PLXNA4: variants seen among roughly 807,000 people sequenced by gnomAD.
PLXNA4 encodes plexin-A4.
Under a neutral mutation model 191.8 loss-of-function variants are expected in PLXNA4, and 44 were observed. That is an observed-to-expected ratio of 0.23 (90% CI 0.18 to 0.29). The LOEUF is 0.29. PLXNA4 is among the 10% of genes least tolerant of loss of function. PLXNA4 has a pLI of 1.00. For synonymous variants in PLXNA4, 1,082 were observed against 1,009.5 expected (o/e 1.07, Z -1.36); for missense variants, 1,800 against 2,488.8 (o/e 0.72, Z 5.89).
At chr7:132,527,741 A>G (rs1799460967) in intron 1 of PLXNA4, among the ~76,000 whole-genome samples, 1 of 151,966 alleles carries the variant, frequency 6.6e-6, no homozygotes, top group African/African-American at 2.4e-5. Flanking sequence ...ATTTGCCCAG[A>G]CCTATTCCCC....
intron 3 of PLXNA4, among the ~76,000 whole-genome samples, chr7:132,447,105 GC>G (rs1321171538): frequency 6.6e-6 from 1 of 151,742 alleles, no homozygotes; most frequent in Admixed American, 6.6e-5. Flanking sequence ...GATTTTTCTG[GC>G]CCCGCTCCAC....
At chr7:132,176,608 G>T (rs1297484655) in intron 20 of PLXNA4, among the ~76,000 whole-genome samples, 1 of 146,260 alleles carries the variant, frequency 6.8e-6, no homozygotes, top group East Asian at 2.0e-4. Flanking sequence ...CAGGGAGTGT[G>T]TATGACTGCA....
intron 9 of PLXNA4, 75 bp from the exon 10 acceptor site, chr7:132,211,218 G>T: frequency 6.9e-7 from 1 of 1,453,738 alleles, no homozygotes; most frequent in Non-Finnish European, 9.3e-7. Flanking sequence ...GACATAACCC[G>T]GATGTTCCCT....
Position 132,507,785 on chromosome 7 carries a change from A to C in PLXNA4, c.909T>G (p.Ser303Arg). 6.2e-7 allele frequency: 1 copy of C among 1,614,108 alleles called. No individual in the cohort carries two copies. Among genetic ancestry groups the C allele is most frequent in the Non-Finnish European group, 8.5e-7 (1 of 1,180,034 alleles). ...CCTGCAGCAGGCGGTACTCCACCCC[A>C]CTGCGCTCACAGCCAATGGGCACCT... The part of the protein sequence containing the change: ...YVEVPIGCER[S>R]GVEYRLLQAA... Residue 303 changes from serine (S) to arginine (R), a missense_variant, in exon 2 of 32, where the codon AGT (serine) becomes AGG (arginine). This residue lies in a region of PLXNA4 where 1,397 missense variants were observed against 1,880.4 expected (regional missense o/e 0.74). Transcript: ENST00000321063.
intron 3 of PLXNA4, among the ~76,000 whole-genome samples, chr7:132,474,529 T>TCAGTGAGTAGC (rs1206539720): frequency 6.6e-6 from 1 of 152,056 alleles, no homozygotes; most frequent in African/African-American, 2.4e-5. Context: ...TTACAGGGAC[T>TCAGTGAGTAGC]CAGTGAGTAG....
intron 1 of PLXNA4, among the ~76,000 whole-genome samples, chr7:132,544,342 C>T (rs1800204306): frequency 6.6e-6 from 1 of 152,200 alleles, no homozygotes; most frequent in African/African-American, 2.4e-5. Context: ...GTGGGACAAC[C>T]TCTTGGAGAG....
intron 3 of PLXNA4, among the ~76,000 whole-genome samples, chr7:132,346,751 A>T (rs1803259324): frequency 6.6e-6 from 1 of 152,246 alleles, no homozygotes. Flanking sequence ...CTTAGAGATG[A>T]GTTCTGGAGA....
chr7:132,165,860 G>A (rs192305835), intron 22 of PLXNA4, among the ~76,000 whole-genome samples: 1 of 152,090 alleles, frequency 6.6e-6, no homozygotes, highest in Admixed American at 6.6e-5. Flanking sequence ...AGCATTCGCC[G>A]CAGCATAAAG....
chr7:132,338,183 G>A (rs902668034), intron 3 of PLXNA4, among the ~76,000 whole-genome samples: 5 of 152,180 alleles, frequency 3.3e-5, no homozygotes, highest in Non-Finnish European at 5.9e-5. Context: ...ACCGCAGGAT[G>A]GAAGGCTATT....
chr7:132,565,220 G>A (rs1801667107), intron 1 of PLXNA4, among the ~76,000 whole-genome samples: 1 of 152,158 alleles, frequency 6.6e-6, no homozygotes, highest in Non-Finnish European at 1.5e-5. Context: ...AACAGCAAGG[G>A]CTTATTCCTG....
At chr7:132,273,343 C>A (rs552604279) in intron 4 of PLXNA4, among the ~76,000 whole-genome samples, 1 of 146,544 alleles carries the variant, frequency 6.8e-6, no homozygotes, top group South Asian at 2.1e-4. Context: ...CACACACACG[C>A]ACACACACAC....
intron 2 of PLXNA4, among the ~76,000 whole-genome samples, chr7:132,582,559 G>T (rs1332235059): frequency 6.6e-6 from 1 of 152,160 alleles, no homozygotes; most frequent in African/African-American, 2.4e-5. Flanking sequence ...CCTTGGACCT[G>T]CCATGTGTTG....
intron 3 of PLXNA4, among the ~76,000 whole-genome samples, chr7:132,354,618 G>A (rs2116822099): frequency 6.6e-6 from 1 of 152,330 alleles, no homozygotes; most frequent in Middle Eastern, 3.4e-3. Flanking sequence ...CCACATGTGT[G>A]TGTCCTAATG....
At chr7:132,188,796 A>G (rs1217803124) in intron 14 of PLXNA4, among the ~76,000 whole-genome samples, 1 of 151,880 alleles carries the variant, frequency 6.6e-6, no homozygotes, top group African/African-American at 2.4e-5. Context: ...GACTCTGGAC[A>G]AGACATTTCA....
At position 132,298,103 on chromosome 7, in the gene PLXNA4, C is replaced by T. The variant is rs1272653375; in HGVS notation, c.1491G>A (p.Met497Ile). Residue 497 changes from methionine to isoleucine, a missense_variant, in exon 4 of 32, where the codon ATG (methionine) becomes ATA (isoleucine). Transcript: ENST00000321063. ...FSKDHEQLYI[M>I]SERQLTRVPV... ...CGAAGAGCCTTACCTGCCTCTCTGA[C>T]ATGATGTAGAGTTGCTCGTGGTCCT... 1 of 1,614,212 alleles carries T rather than the reference C, an allele frequency of 6.2e-7. No homozygotes were observed. Among genetic ancestry groups the T allele is most frequent in the Admixed American group, 1.7e-5 (1 of 60,032 alleles).
chr7:132,131,544 G>T (rs941271375), intron 31 of PLXNA4, among the ~76,000 whole-genome samples: 3 of 152,154 alleles, frequency 2.0e-5, no homozygotes, highest in Admixed American at 1.3e-4. Flanking sequence ...CTCAAGGGAG[G>T]CGCCCAGGGC....
intron 3 of PLXNA4, among the ~76,000 whole-genome samples, chr7:132,371,836 C>T (rs1440908090): frequency 2.0e-5 from 3 of 152,152 alleles, no homozygotes; most frequent in Non-Finnish European, 4.4e-5. Flanking sequence ...CTAGACCACA[C>T]CTAGCCACTG....
At chr7:132,446,337 T>C (rs1795911390) in intron 3 of PLXNA4, among the ~76,000 whole-genome samples, 1 of 152,226 alleles carries the variant, frequency 6.6e-6, no homozygotes, top group Non-Finnish European at 1.5e-5. Context: ...GCACAGGCAC[T>C]GTCACCATCC....
At chr7:132,294,970 G>C (rs933673544) in intron 4 of PLXNA4, among the ~76,000 whole-genome samples, 4 of 152,196 alleles carry the variant, frequency 2.6e-5, no homozygotes, top group Admixed American at 2.6e-4. Flanking sequence ...AAAGCTATGA[G>C]AAAACAAATT....
Sources: gnomAD v4.1 joint callset for allele counts (sites outside exome capture counted in the v4.1 genomes callset) on GRCh38, gnomAD v4.1.1 for gene constraint, gnomAD v4.1.1 regional missense constraint, MANE v1.5 for transcripts, NCBI Gene and HGNC (gene_info 2026-07-23, HGNC 2026-07-21) for gene names.